COX7B2: variants seen among roughly 807,000 people sequenced by gnomAD.
The protein encoded by COX7B2 is cytochrome c oxidase subunit 7B2.
For missense variants in COX7B2, 109 were observed against 95.9 expected (o/e 1.14, Z -0.57); for synonymous variants, 37 against 32.1 (o/e 1.15, Z -0.51).
chr4:46,887,633 C>A (rs1035849099), intron 1 of COX7B2, among the ~76,000 whole-genome samples: 1 of 150,940 alleles, frequency 6.6e-6, no homozygotes, highest in Non-Finnish European at 1.5e-5. Context: ...ATGGCATGAA[C>A]CCGGAAGGCG....
At chr4:46,760,751 C>A (rs1416979658) in intron 2 of COX7B2, among the ~76,000 whole-genome samples, 1 of 151,998 alleles carries the variant, frequency 6.6e-6, no homozygotes, top group Non-Finnish European at 1.5e-5. Context: ...AATAAAATTT[C>A]TGAAATATAA....
intron 1 of COX7B2, among the ~76,000 whole-genome samples, chr4:46,886,431 GTA>G (rs773334659): frequency 2.6e-4 from 40 of 152,110 alleles, no homozygotes; most frequent in Admixed American, 3.9e-4. Context: ...CTGATTTGAA[GTA>G]TACAATAAGT....
chr4:46,870,317 T>C (rs553967462), intron 1 of COX7B2, among the ~76,000 whole-genome samples: 1 of 123,682 alleles, frequency 8.1e-6, no homozygotes, highest in South Asian at 3.1e-4. Context: ...ACAAACTAGA[T>C]ATTGAAAAAA....
At chr4:46,799,199 G>C (rs1718522379) in intron 2 of COX7B2, among the ~76,000 whole-genome samples, 2 of 151,994 alleles carry the variant, frequency 1.3e-5, no homozygotes. Context: ...ACTGACTTTT[G>C]TACATTGGTT....
intron 1 of COX7B2, among the ~76,000 whole-genome samples, chr4:46,905,009 A>T (rs1720290033): frequency 6.6e-6 from 1 of 152,204 alleles, no homozygotes; most frequent in Non-Finnish European, 1.5e-5. Context: ...TACTTCTGCC[A>T]CTTTCAAATT....
chr4:46,775,970 G>T (rs543558659), intron 2 of COX7B2, among the ~76,000 whole-genome samples: 1 of 152,248 alleles, frequency 6.6e-6, no homozygotes, highest in Non-Finnish European at 1.5e-5. Context: ...TTGGCAATTT[G>T]AGAAAAGATG....
intron 2 of COX7B2, among the ~76,000 whole-genome samples, chr4:46,754,129 T>C (rs1165532741): frequency 6.6e-6 from 1 of 152,140 alleles, no homozygotes; most frequent in Non-Finnish European, 1.5e-5. Flanking sequence ...TGTAAACTAG[T>C]TCAACCATTG....
intron 2 of COX7B2, among the ~76,000 whole-genome samples, chr4:46,829,989 C>A (rs972460466): frequency 6.6e-6 from 1 of 152,008 alleles, no homozygotes; most frequent in South Asian, 2.1e-4. Context: ...TGGCAACTCT[C>A]AAATTAGAGA....
chr4:46,824,545 A>G (rs1714540285), intron 2 of COX7B2, among the ~76,000 whole-genome samples: 1 of 152,086 alleles, frequency 6.6e-6, no homozygotes, highest in African/African-American at 2.4e-5. Flanking sequence ...ACAAACAAAC[A>G]AACAAAAAAA....
intron 1 of COX7B2, among the ~76,000 whole-genome samples, chr4:46,848,298 T>C (rs1029412782): frequency 1.3e-5 from 2 of 152,090 alleles, no homozygotes; most frequent in African/African-American, 2.4e-5. Context: ...CTTTTCATTG[T>C]TATAAGACAT....
At chr4:46,819,468 C>A (rs1356580436) in intron 2 of COX7B2, among the ~76,000 whole-genome samples, 1 of 151,334 alleles carries the variant, frequency 6.6e-6, no homozygotes, top group Non-Finnish European at 1.5e-5. Flanking sequence ...CTTCTCCAGG[C>A]CACACTGCAA....
chr4:46,831,457 C>G (rs967815871), intron 2 of COX7B2, among the ~76,000 whole-genome samples: 4 of 152,206 alleles, frequency 2.6e-5, no homozygotes, highest in Admixed American at 6.5e-5. Flanking sequence ...GACTGGCAGG[C>G]AGCTCCACCT....
At chr4:46,802,885 G>A (rs1718733149) in intron 2 of COX7B2, among the ~76,000 whole-genome samples, 1 of 152,146 alleles carries the variant, frequency 6.6e-6, no homozygotes, top group South Asian at 2.1e-4. Flanking sequence ...ACTGTGAAGA[G>A]ATTGTACTAA....
intron 2 of COX7B2, among the ~76,000 whole-genome samples, chr4:46,759,078 G>A (rs989236149): frequency 6.6e-6 from 1 of 152,030 alleles, no homozygotes; most frequent in Non-Finnish European, 1.5e-5. Context: ...TGAGAATATA[G>A]TTTGCAGAGA....
At chr4:46,818,419 G>A (rs1473918996) in intron 2 of COX7B2, among the ~76,000 whole-genome samples, 1 of 152,104 alleles carries the variant, frequency 6.6e-6, no homozygotes, top group African/African-American at 2.4e-5. Flanking sequence ...GGATCATGAG[G>A]TCAGGAGATC....
chr4:46,766,822 G>C (rs1353209893), intron 2 of COX7B2, among the ~76,000 whole-genome samples: 3 of 151,684 alleles, frequency 2.0e-5, no homozygotes, highest in Admixed American at 6.6e-5. Flanking sequence ...TTTTATGTAA[G>C]CTCCATAGTA....
chr4:46,740,752 G>A (rs1010313083), intron 2 of COX7B2, among the ~76,000 whole-genome samples: 3 of 152,038 alleles, frequency 2.0e-5, no homozygotes, highest in African/African-American at 7.2e-5. Context: ...AAAGAAGATA[G>A]AATCGAGAAA....
At chr4:46,828,505 A>G (rs1332037641) in intron 2 of COX7B2, among the ~76,000 whole-genome samples, 1 of 152,138 alleles carries the variant, frequency 6.6e-6, no homozygotes, top group African/African-American at 2.4e-5. Flanking sequence ...AGCATTCAGG[A>G]AATAGTAAAA....
intron 1 of COX7B2, among the ~76,000 whole-genome samples, chr4:46,881,010 AACT>A (rs1718700491): frequency 6.6e-6 from 1 of 151,484 alleles, no homozygotes; most frequent in Non-Finnish European, 1.5e-5. Flanking sequence ...AAAAAAAAAA[AACT>A]CTTGGATTCA....
Sources: gnomAD v4.1 joint callset for allele counts (sites outside exome capture counted in the v4.1 genomes callset) on GRCh38, gnomAD v4.1.1 for gene constraint, MANE v1.5 for transcripts, NCBI Gene and HGNC (gene_info 2026-07-23, HGNC 2026-07-21) for gene names.